Variants in SMAP1 observed in about 807,000 individuals in gnomAD.
SMAP1 encodes small ArfGAP 1.
Under a neutral mutation model 58.5 loss-of-function variants are expected in SMAP1, and 24 were observed. The observed-to-expected ratio is 0.41, with a 90% CI of 0.30 to 0.58. The LOEUF is 0.58. Among genes scored for constraint, SMAP1 ranks in the 20% least tolerant of loss-of-function variants. SMAP1 has a pLI of 0.29. For synonymous variants in SMAP1, 216 were observed against 196.6 expected, an observed-to-expected ratio of 1.10 and a Z score of -0.82; for missense variants, 563 against 566.3, an observed-to-expected ratio of 0.99 and a Z score of 0.06.
intron 1 of SMAP1, among the ~76,000 whole-genome samples, chr6:70,689,014 C>T (rs1767046632): frequency 6.6e-6 from 1 of 150,910 alleles, no homozygotes; most frequent in South Asian, 2.1e-4. Flanking sequence ...CCTTTGAGAA[C>T]ATTTAGACAG....
At chr6:70,856,003 T>C (rs1771404471) in intron 8 of SMAP1, among the ~76,000 whole-genome samples, 1 of 152,232 alleles carries the variant, frequency 6.6e-6, no homozygotes, top group African/African-American at 2.4e-5. Flanking sequence ...GGACATTAAA[T>C]GTTTGAATTT....
chr6:70,790,396 C>T (rs1768296479), intron 4 of SMAP1, among the ~76,000 whole-genome samples: 1 of 152,118 alleles, frequency 6.6e-6, no homozygotes, highest in South Asian at 2.1e-4. Context: ...GCCTTGGCCT[C>T]CCAAAGTGCT....
At chr6:70,791,257 A>G (rs1184207565) in intron 4 of SMAP1, among the ~76,000 whole-genome samples, 1 of 152,014 alleles carries the variant, frequency 6.6e-6, no homozygotes, top group African/African-American at 2.4e-5. Context: ...TTTATTTTTC[A>G]TTCTTAAAAG....
intron 6 of SMAP1, among the ~76,000 whole-genome samples, chr6:70,820,915 TAAAC>T (rs1175428975): frequency 6.6e-6 from 1 of 152,112 alleles, no homozygotes; most frequent in Non-Finnish European, 1.5e-5. Context: ...CATACGTAAA[TAAAC>T]TAATTAATAC....
chr6:70,699,729 A>G (rs1287254026), intron 1 of SMAP1, among the ~76,000 whole-genome samples: 3 of 151,282 alleles, frequency 2.0e-5, no homozygotes, highest in Non-Finnish European at 4.4e-5. Context: ...ATGTTAACGT[A>G]AGGTCCGAGG....
At position 70,819,117 on chromosome 6, in the gene SMAP1, G is replaced by A. The variant is rs553327638; in HGVS notation, c.577-17824G>A. Among the ~76,000 whole-genome samples the A allele has an allele frequency of 1.5e-3, 235 of 152,158 alleles. 1 individual carries two copies. The highest frequency in any genetic ancestry group is 1.9e-3 in the Non-Finnish European group (127 of 68,016). ...GACATTTTATGTAAACATTATTCAA[G>A]ATATGGTCTTTCGTAGTGGTTTCTT... On this transcript the variant is annotated intron_variant, in intron 6 of 10. Transcript: ENST00000370455.
At chr6:70,791,619 C>T (rs942328890) in intron 4 of SMAP1, 70 bp from the exon 5 acceptor site, 28 of 1,308,488 alleles carry the variant, frequency 2.1e-5, no homozygotes, top group African/African-American at 2.9e-5. Flanking sequence ...TTTTTTCTTT[C>T]CTGTGCCTGT....
chr6:70,696,198 A>T (rs1267260858), intron 1 of SMAP1, among the ~76,000 whole-genome samples: 1 of 151,996 alleles, frequency 6.6e-6, no homozygotes, highest in Non-Finnish European at 1.5e-5. Context: ...ATCTTTTCAA[A>T]AAAAACAGCA....
At chr6:70,722,117 C>G (rs930431441) in intron 1 of SMAP1, among the ~76,000 whole-genome samples, 21 of 152,210 alleles carry the variant, frequency 1.4e-4, no homozygotes, top group African/African-American at 4.8e-4. Context: ...TTGTCAAGCT[C>G]TACAAGTACT....
chr6:70,681,250 C>G (rs1766698853), intron 1 of SMAP1, among the ~76,000 whole-genome samples: 1 of 151,900 alleles, frequency 6.6e-6, no homozygotes, highest in South Asian at 2.1e-4. Flanking sequence ...GAAACTCTGT[C>G]TCTACAAAAA....
chr6:70,858,274 T>A (rs1771524502), intron 10 of SMAP1, 45 bp downstream of exon 10: 3 of 1,275,648 alleles, frequency 2.4e-6, no homozygotes, highest in Non-Finnish European at 3.2e-6. Flanking sequence ...CAAACCAGAT[T>A]TATTTTCTAA....
chr6:70,725,688 T>A (rs1768750700), intron 1 of SMAP1, among the ~76,000 whole-genome samples: 1 of 152,214 alleles, frequency 6.6e-6, no homozygotes, highest in Non-Finnish European at 1.5e-5. Flanking sequence ...CGTTTACATC[T>A]CAGTTGATTT....
At chr6:70,747,758 G>C (rs1766104901) in intron 2 of SMAP1, among the ~76,000 whole-genome samples, 2 of 152,116 alleles carry the variant, frequency 1.3e-5, no homozygotes, top group Non-Finnish European at 2.9e-5. Context: ...GTAATGTGAA[G>C]CTTTTCCAAT....
chr6:70,859,108 T>C (rs1771577550), intron 10 of SMAP1: 1 of 420,436 alleles, frequency 2.4e-6, no homozygotes, highest in African/African-American at 2.0e-5. Flanking sequence ...GGGAATAGTC[T>C]AGAGTGATTT....
At chr6:70,689,619 T>A (rs1767074289) in intron 1 of SMAP1, among the ~76,000 whole-genome samples, 1 of 152,210 alleles carries the variant, frequency 6.6e-6, no homozygotes. Flanking sequence ...AATCTCAGAT[T>A]TCAATGGGGA....
At chr6:70,805,839 A>G (rs1266937875) in intron 6 of SMAP1, among the ~76,000 whole-genome samples, 1 of 152,194 alleles carries the variant, frequency 6.6e-6, no homozygotes, top group Non-Finnish European at 1.5e-5. Context: ...CAGAGGCTGC[A>G]GAACAGCAAA....
intron 1 of SMAP1, among the ~76,000 whole-genome samples, chr6:70,721,267 G>T (rs866010188): frequency 6.6e-6 from 1 of 151,862 alleles, no homozygotes; most frequent in Non-Finnish European, 1.5e-5. Context: ...AATTTTTTCC[G>T]CCAGATACCC....
At position 70,732,432 on chromosome 6, in the gene SMAP1, G is replaced by T; in HGVS notation, c.173G>T (p.Gly58Val). ...IGVFICIRCA[G>V]IHRNLGVHIS... Reference sequence around the variant, plus strand: ...GTGTTTATTTGCATCAGATGTGCTGGAATTCATAGAAATCTTGGGGTTCAT... The same window carrying T: ...GTGTTTATTTGCATCAGATGTGCTGTAATTCATAGAAATCTTGGGGTTCAT... The change falls in exon 2 of 11, where the codon GGA (glycine) becomes GTA (valine). Residue 58 changes from glycine (G) to valine (V), a missense_variant. Gly to Val is a moderately radical substitution (Grantham distance 109). This residue lies in a region of SMAP1 where 17 missense variants were observed against 45.9 expected (regional missense o/e 0.37). Coordinates refer to ENST00000370455, the MANE Select transcript of SMAP1 (RefSeq NM_001044305.3). 4 of 1,612,836 alleles carry T rather than the reference G, an allele frequency of 2.5e-6. No homozygotes were observed. Among genetic ancestry groups the T allele is most frequent in the Non-Finnish European group, 3.4e-6 (4 of 1,179,220 alleles).
chr6:70,709,012 G>A (rs553615334), intron 1 of SMAP1, among the ~76,000 whole-genome samples: 7 of 152,032 alleles, frequency 4.6e-5, no homozygotes, highest in East Asian at 1.9e-4. Flanking sequence ...TTGAGCTTTC[G>A]CTGTGATATC....
Sources: gnomAD v4.1 joint callset for allele counts (sites outside exome capture counted in the v4.1 genomes callset) on GRCh38, gnomAD v4.1.1 for gene constraint, gnomAD v4.1.1 regional missense constraint, MANE v1.5 for transcripts, NCBI Gene and HGNC (gene_info 2026-07-23, HGNC 2026-07-21) for gene names.